SLC38A9: variants seen among roughly 807,000 people sequenced by gnomAD.
SLC38A9 encodes the protein neutral amino acid transporter 9.
A neutral mutation model predicts 62.3 loss-of-function variants in SLC38A9; 48 were observed. The observed-to-expected ratio is 0.77, with a 90% CI of 0.61 to 0.98. The LOEUF (loss-of-function observed/expected upper bound fraction) is 0.98. SLC38A9 is among the 50% of genes least tolerant of loss of function. The pLI, the probability that SLC38A9 is intolerant of heterozygous loss-of-function variation, is 0.00. For missense variants in SLC38A9, 541 were observed against 679.8 expected (o/e 0.80, Z 2.27); for synonymous variants, 204 against 227.7 (o/e 0.90, Z 0.94).
intron 12 of SLC38A9, 22 bp downstream of exon 12, chr5:55,645,767 A>G: frequency 6.6e-7 from 1 of 1,522,428 alleles, no homozygotes; most frequent in Non-Finnish European, 9.0e-7. Flanking sequence ...TACAAAAGTC[A>G]ATTCCAAAGA....
chr5:55,645,729 C>T (rs2150133584), intron 12 of SLC38A9, 60 bp downstream of exon 12: 1 of 1,170,494 alleles, frequency 8.5e-7, no homozygotes, highest in Non-Finnish European at 1.2e-6. Context: ...GCCTCAAATA[C>T]TGACTTAAAA....
At chr5:55,710,095 A>AT (rs1757819018) in intron 2 of SLC38A9, among the ~76,000 whole-genome samples, 1 of 150,502 alleles carries the variant, frequency 6.6e-6, no homozygotes, top group African/African-American at 2.4e-5. Flanking sequence ...AGAAAAAAAA[A>AT]AGAAAAAGAA....
Position 55,635,660 on chromosome 5 carries a change from G to A in SLC38A9, c.1168-3C>T. ...TAAGCAATGCACAAGTCCCTCACCT[G>A]TAAATACAGAACAAAAGTCCCATAA... On this transcript the variant is annotated splice_polypyrimidine_tract_variant and splice_region_variant and intron_variant, in intron 12 of 15. Transcript: ENST00000396865. 3 of 1,598,556 alleles carry A rather than the reference G, an allele frequency of 1.9e-6. No homozygotes were observed. Among genetic ancestry groups the A allele is most frequent in the Non-Finnish European group, 2.6e-6 (3 of 1,166,100 alleles).
chr5:55,700,994 A>G lies in SLC38A9; in HGVS notation c.-34-3002T>C, dbSNP rs534905816. On this transcript the variant is annotated intron_variant, in intron 2 of 15. Transcript: ENST00000396865. ...TCTTATGCAGTCTTATGGTTTTACT[A>G]TCATAGCTCGTGCTGCCCAATACAG... Among the ~76,000 whole-genome samples the G allele has an allele frequency of 1.8e-3, 269 of 152,236 alleles. 2 individuals are homozygous for G. Among genetic ancestry groups the G allele is most frequent in the African/African-American group, 6.0e-3 (249 of 41,546 alleles).
chr5:55,664,703 C>A lies in SLC38A9; in HGVS notation c.687G>T (p.Lys229Asn). ...LMSNFLFNTG[K>N]FIFNFIHHIN... ...GATATAGATACTTACTAAAAATAAA[C>A]TTTCCAGTATTAAAAAGAAAATTTG... The change falls in exon 8 of 16, where the codon AAG becomes AAT. Residue 229 changes from lysine to asparagine, a missense_variant. By Grantham distance (94) the Lys-to-Asn change is moderately conservative. Coordinates refer to ENST00000396865, the MANE Select transcript of SLC38A9 (RefSeq NM_173514.4). 1 of 1,535,244 alleles carries A rather than the reference C, an allele frequency of 6.5e-7. No individual in the cohort carries two copies. Among genetic ancestry groups the A allele is most frequent in the South Asian group, 1.3e-5 (1 of 78,548 alleles).
At position 55,695,300 on chromosome 5, in the gene SLC38A9, G is replaced by A. The variant is rs1755344586; in HGVS notation, c.113+2546C>T. 3.0e-5 allele frequency among the ~76,000 whole-genome samples: 4 copies of A among 135,348 alleles called. No homozygotes were observed. The South Asian group carries it at 9.7e-4, about 33-fold the overall frequency. The allele number at this position is 135,348 out of a possible 152,430, so 88.8% of individuals were successfully genotyped here. A position where few individuals can be genotyped will look rare whatever the true frequency, so the allele number is the denominator to read the frequency against. ...TTTTTTTTTTTTATTGATCATTCTT[G>A]GGTGTTTCTCACAGAGGGGGATTTG... On this transcript the variant is annotated intron_variant, in intron 3 of 15. Transcript: ENST00000396865.
rs541693215 is a variant in SLC38A9, at chr5:55,702,412, C to G, written c.-34-4420G>C. On this transcript the variant is annotated intron_variant, in intron 2 of 15. Coordinates refer to ENST00000396865, the MANE Select transcript of SLC38A9 (RefSeq NM_173514.4). Reference sequence around the variant, plus strand: ...AAGTAGCTAGGACTACAAGTGTGCACCACCATGCCTGGCTATTTTTTTTTT... The same window carrying G: ...AAGTAGCTAGGACTACAAGTGTGCAGCACCATGCCTGGCTATTTTTTTTTT... Among the ~76,000 whole-genome samples, 14 of 152,032 alleles carry G rather than the reference C, an allele frequency of 9.2e-5. No homozygotes were observed. In the South Asian group the frequency reaches 2.9e-3, roughly 32 times the overall value.
intron 3 of SLC38A9, chr5:55,691,159 T>C: frequency 1.3e-6 from 1 of 768,900 alleles, no homozygotes; most frequent in Non-Finnish European, 2.2e-6. Context: ...AGAAAAATCT[T>C]GAAACTTTTG....
chr5:55,659,092 A>G (rs7712009), intron 8 of SLC38A9, among the ~76,000 whole-genome samples: 90,960 of 151,892 alleles, frequency 0.6, 27,838 homozygotes, highest in South Asian at 0.7. Flanking sequence ...TAATAAAAAT[A>G]CTTAAGTAGA....
In SLC38A9 at chr5:55,627,957, T is replaced by G; in HGVS notation, c.1454A>C (p.Asn485Thr). The change falls in exon 15 of 16, where the codon AAT becomes ACT. Residue 485 changes from asparagine to threonine, a missense_variant. Coordinates refer to ENST00000396865, the MANE Select transcript of SLC38A9 (RefSeq NM_173514.4). ...YPSIFHVLIL[N>T]LIIVGAGVIM... Reference sequence around the variant, plus strand: ...CACTCCAGCTCCCACAATAATTAGATTAAGAATCAGCACATGGAAAATGCT... The same window carrying G: ...CACTCCAGCTCCCACAATAATTAGAGTAAGAATCAGCACATGGAAAATGCT... The G allele has an allele frequency of 6.2e-7, 1 of 1,612,408 alleles. No individual in the cohort carries two copies.
At chr5:55,651,262 T>TTTTTTG (rs1747419119) in intron 10 of SLC38A9, among the ~76,000 whole-genome samples, 1 of 142,650 alleles carries the variant, frequency 7.0e-6, no homozygotes, top group African/African-American at 2.6e-5. Context: ...TTTTTTTTTT[T>TTTTTTG]TTTTTTAAGA....
At chr5:55,701,796 T>A (rs1390948396) in intron 2 of SLC38A9, among the ~76,000 whole-genome samples, 2 of 152,214 alleles carry the variant, frequency 1.3e-5, no homozygotes, top group East Asian at 3.8e-4. Flanking sequence ...ATTATCCTCA[T>A]TTTATAGATA....
At chr5:55,661,050 A>G (rs1749433692) in intron 8 of SLC38A9, among the ~76,000 whole-genome samples, 1 of 151,440 alleles carries the variant, frequency 6.6e-6, no homozygotes, top group Non-Finnish European at 1.5e-5. Context: ...AAAAGTCCAA[A>G]AAAAAAGATA....
intron 2 of SLC38A9, among the ~76,000 whole-genome samples, chr5:55,708,307 G>A (rs1757560826): frequency 6.6e-6 from 1 of 152,188 alleles, no homozygotes; most frequent in Admixed American, 6.5e-5. Flanking sequence ...TCCAGCCCAG[G>A]TGACAGAGTG....
chr5:55,656,264 CCT>C (rs1466121417), intron 9 of SLC38A9, among the ~76,000 whole-genome samples: 3 of 149,674 alleles, frequency 2.0e-5, no homozygotes, highest in African/African-American at 4.9e-5. Flanking sequence ...TAGTTACTAA[CCT>C]CTGTTTATTA....
At chr5:55,694,186 C>G (rs1186722466) in intron 3 of SLC38A9, 1 of 217,252 alleles carries the variant, frequency 4.6e-6, no homozygotes, top group African/African-American at 2.5e-5. Context: ...CCAGTGTGGG[C>G]TACAGAGTGA....
At chr5:55,627,605 G>A (rs78372237) in intron 15 of SLC38A9, among the ~76,000 whole-genome samples, 7,419 of 151,820 alleles carry the variant, frequency 0.049, 310 homozygotes, top group African/African-American at 0.11. Flanking sequence ...TTTTTATTTT[G>A]GATATAGAGA....
intron 2 of SLC38A9, among the ~76,000 whole-genome samples, chr5:55,711,062 G>A (rs1361085888): frequency 6.6e-6 from 1 of 151,932 alleles, no homozygotes; most frequent in East Asian, 1.9e-4. Flanking sequence ...GGAGGCCAAG[G>A]CAGGCGGATC....
At chr5:55,633,949 A>G in intron 13 of SLC38A9, 47 bp from the exon 14 acceptor site, 1 of 1,405,900 alleles carries the variant, frequency 7.1e-7, no homozygotes, top group Non-Finnish European at 9.8e-7. Flanking sequence ...CAAATTCAGT[A>G]CACACATTCA....
Sources: allele counts gnomAD v4.1 joint callset (sites outside exome capture counted in the v4.1 genomes callset), GRCh38; gene constraint gnomAD v4.1.1; transcripts MANE v1.5; gene names NCBI Gene and HGNC (gene_info 2026-07-23, HGNC 2026-07-21).